The following INPP4B variants were observed in gnomAD, a reference collection of about 807,000 sequenced individuals.
The protein encoded by INPP4B is inositol polyphosphate-4-phosphatase type II B, also known as inositol polyphosphate 4-phosphatase type II.
Under a neutral mutation model 122.5 loss-of-function variants are expected in INPP4B, and 55 were observed. That is an observed-to-expected ratio of 0.45 (90% CI 0.36 to 0.56). INPP4B has a LOEUF of 0.56. Ranked by LOEUF, INPP4B falls within the 20% of genes least tolerant of loss-of-function variation. The pLI, the probability that INPP4B is intolerant of heterozygous loss-of-function variation, is 0.00. For synonymous variants in INPP4B, 403 were observed against 388.7 expected (o/e 1.04, Z -0.43); for missense variants, 1,000 against 1,097.7 (o/e 0.91, Z 1.26).
chr4:142,029,303 C>T, intron 25 of INPP4B: 1 of 985,762 alleles, frequency 1.0e-6, no homozygotes, highest in Non-Finnish European at 1.2e-6. Flanking sequence ...GATGCAGGTT[C>T]TAGAAATAAG....
chr4:142,249,134 C>A (rs924756137), intron 11 of INPP4B, among the ~76,000 whole-genome samples: 1 of 152,074 alleles, frequency 6.6e-6, no homozygotes, highest in Non-Finnish European at 1.5e-5. Context: ...TGACTAATAG[C>A]AGCACAGTCT....
chr4:142,681,977 C>G (rs1336669400), intron 2 of INPP4B, among the ~76,000 whole-genome samples: 1 of 151,826 alleles, frequency 6.6e-6, no homozygotes, highest in East Asian at 1.9e-4. Flanking sequence ...CAATTCTTTT[C>G]CTCTTCAACG....
chr4:142,806,827 G>GA (rs1554013615), intron 1 of INPP4B, among the ~76,000 whole-genome samples: 1 of 146,730 alleles, frequency 6.8e-6, no homozygotes, highest in African/African-American at 2.6e-5. Context: ...AAGAAAGAAA[G>GA]AAAGAAAGAA....
In INPP4B at chr4:142,188,210, G is replaced by A. The variant is rs188461012; in HGVS notation, c.1181+4877C>T. ...TACTTAAAATATATATGGCTTGGTC[G>A]GGCACATTGGCTCATGCCTGTAATC... On this transcript the variant is annotated intron_variant, in intron 15 of 25. Transcript: ENST00000262992. Among the ~76,000 whole-genome samples the A allele has an allele frequency of 5.2e-3, 794 of 151,678 alleles. 10 individuals carry two copies. The highest frequency in any genetic ancestry group is 0.018 in the African/African-American group (745 of 41,436).
At chr4:142,195,492 T>A (rs1236871769) in intron 14 of INPP4B, among the ~76,000 whole-genome samples, 1 of 152,200 alleles carries the variant, frequency 6.6e-6, no homozygotes, top group Non-Finnish European at 1.5e-5. Flanking sequence ...TTAGACTTGA[T>A]GGATTTGTCT....
rs574560412 is a variant in INPP4B, at chr4:142,737,034, G to A, written c.-253-11133C>T. Among the ~76,000 whole-genome samples the A allele has an allele frequency of 5.1e-4, 78 of 152,160 alleles. 1 individual carries two copies. Among genetic ancestry groups the A allele is most frequent in the African/African-American group, 1.6e-3 (68 of 41,506 alleles). Reference sequence around the variant, plus strand: ...TCAATATCATGAAAATGGCCATACCGCCCAAGGTAATTTATAGATTCAGTG... The same window carrying A: ...TCAATATCATGAAAATGGCCATACCACCCAAGGTAATTTATAGATTCAGTG... On this transcript the variant is annotated intron_variant, in intron 1 of 25. Transcript: ENST00000262992.
chr4:142,658,402 C>A (rs1423959751), intron 2 of INPP4B, among the ~76,000 whole-genome samples: 1 of 152,184 alleles, frequency 6.6e-6, no homozygotes, highest in African/African-American at 2.4e-5. Flanking sequence ...AAAACTAAAG[C>A]AACCTTTTTG....
intron 1 of INPP4B, among the ~76,000 whole-genome samples, chr4:142,749,940 G>A (rs1207445836): frequency 6.6e-6 from 1 of 151,794 alleles, no homozygotes; most frequent in Non-Finnish European, 1.5e-5. Context: ...ATTACTACTA[G>A]TAAAGATGTC....
At chr4:142,524,365 G>T (rs1580281303) in intron 2 of INPP4B, among the ~76,000 whole-genome samples, 1 of 151,960 alleles carries the variant, frequency 6.6e-6, no homozygotes, top group East Asian at 1.9e-4. Flanking sequence ...GGTGTGAGAT[G>T]GTATCTCACT....
chr4:142,302,477 G>T (rs565118441), intron 9 of INPP4B, among the ~76,000 whole-genome samples: 1 of 152,214 alleles, frequency 6.6e-6, no homozygotes, highest in South Asian at 2.1e-4. Flanking sequence ...TTCATACCCT[G>T]CCTTTCCCAT....
chr4:142,055,814 TG>T (rs1416764053), intron 25 of INPP4B, among the ~76,000 whole-genome samples: 2 of 151,860 alleles, frequency 1.3e-5, no homozygotes, highest in African/African-American at 4.8e-5. Flanking sequence ...TCCACTGACC[TG>T]GGGGTGGGGG....
chr4:142,333,584 A>G (rs1775502264), intron 7 of INPP4B, among the ~76,000 whole-genome samples: 1 of 152,224 alleles, frequency 6.6e-6, no homozygotes, highest in Non-Finnish European at 1.5e-5. Flanking sequence ...AGACTTGTAG[A>G]TAAATATCAT....
chr4:142,779,427 A>T (rs1774455724), intron 1 of INPP4B, among the ~76,000 whole-genome samples: 1 of 152,166 alleles, frequency 6.6e-6, no homozygotes, highest in Non-Finnish European at 1.5e-5. Context: ...AAAACCATCA[A>T]GAGTACAGAC....
At chr4:142,312,561 T>C (rs1274499077) in intron 8 of INPP4B, among the ~76,000 whole-genome samples, 1 of 152,206 alleles carries the variant, frequency 6.6e-6, no homozygotes, top group African/African-American at 2.4e-5. Flanking sequence ...AGCAGAGAGA[T>C]GGCTGAGCCG....
intron 1 of INPP4B, among the ~76,000 whole-genome samples, chr4:142,822,235 T>A (rs1251478562): frequency 6.6e-6 from 1 of 152,182 alleles, no homozygotes; most frequent in Non-Finnish European, 1.5e-5. Context: ...TGCAGCACTA[T>A]GTCAAGCACT....
intron 1 of INPP4B, among the ~76,000 whole-genome samples, chr4:142,793,994 T>C (rs984716293): frequency 3.3e-5 from 5 of 152,082 alleles, no homozygotes; most frequent in Non-Finnish European, 7.4e-5. Context: ...AATTGATCTA[T>C]AGAATCAATA....
At chr4:142,250,940 T>C (rs573796845) in intron 11 of INPP4B, among the ~76,000 whole-genome samples, 18 of 152,336 alleles carry the variant, frequency 1.2e-4, no homozygotes, top group African/African-American at 4.3e-4. Flanking sequence ...GCTGCTCCTA[T>C]CAATTTTATG....
At chr4:142,226,690 T>A (rs1368178078) in intron 12 of INPP4B, among the ~76,000 whole-genome samples, 1 of 152,166 alleles carries the variant, frequency 6.6e-6, no homozygotes, top group East Asian at 1.9e-4. Context: ...AAACCATTAG[T>A]AGATGGTTGC....
chr4:142,812,722 C>T (rs1779661775), intron 1 of INPP4B, among the ~76,000 whole-genome samples: 2 of 151,932 alleles, frequency 1.3e-5, no homozygotes, highest in African/African-American at 4.8e-5. Context: ...CATTAGAACA[C>T]CTAATTTTAG....
Sources: allele counts gnomAD v4.1 joint callset (sites outside exome capture counted in the v4.1 genomes callset), GRCh38; gene constraint gnomAD v4.1.1; transcripts MANE v1.5; gene names NCBI Gene and HGNC (gene_info 2026-07-23, HGNC 2026-07-21).